The following RPGRIP1L variants were observed in gnomAD, a reference collection of about 807,000 sequenced individuals.
The protein encoded by RPGRIP1L is RPGRIP1 like, also known as protein fantom.
In RPGRIP1L, 131 loss-of-function variants were observed where a neutral mutation model predicts 160.4. The ratio of observed to expected loss-of-function variants is 0.82; its 90% CI spans 0.71 to 0.94. The LOEUF (loss-of-function observed/expected upper bound fraction) is 0.94. RPGRIP1L is among the 40% of genes least tolerant of loss of function. The pLI is 0.00. For synonymous variants in RPGRIP1L, 510 were observed against 515.8 expected, an observed-to-expected ratio of 0.99 and a Z score of 0.15; for missense variants, 1,522 against 1,535.8, an observed-to-expected ratio of 0.99 and a Z score of 0.15.
intron 14 of RPGRIP1L, 116 bp from the exon 15 acceptor site, chr16:53,653,103 T>C: frequency 1.1e-6 from 1 of 924,392 alleles, no homozygotes; most frequent in Admixed American, 2.3e-5. Context: ...TTTTAAATTC[T>C]ATGACTACAC....
Position 53,645,695 on chromosome 16 carries a change from G to A in RPGRIP1L, c.2613C>T (p.Thr871=), listed in dbSNP as rs748285506. ...CTTTTCCTATGTAAATATTCTCCTG[G>A]GTATCACTATCATCAAAAACATAAA... The part of the protein sequence containing the change: ...LSFYVFDDSD[T]QENIYIGKVN... The change falls in exon 17 of 27, where the codon ACC becomes ACT. Residue 871 remains threonine (T), a synonymous_variant. Transcript: ENST00000647211. 1 of 1,613,840 alleles carries A rather than the reference G, an allele frequency of 6.2e-7. No individual in the cohort carries two copies. Among genetic ancestry groups the A allele is most frequent in the Non-Finnish European group, 8.5e-7 (1 of 1,179,882 alleles).
chr16:53,687,267 A>G (rs1187649950), intron 5 of RPGRIP1L, among the ~76,000 whole-genome samples: 3 of 152,152 alleles, frequency 2.0e-5, no homozygotes, highest in Admixed American at 6.6e-5. Flanking sequence ...TTGATGATCC[A>G]GGTGAAGGCT....
At chr16:53,609,653 C>T (rs898847874) in intron 25 of RPGRIP1L, among the ~76,000 whole-genome samples, 11 of 152,058 alleles carry the variant, frequency 7.2e-5, no homozygotes, top group African/African-American at 1.9e-4. Context: ...ACAGCCATGG[C>T]GCAGCTTGCT....
intron 6 of RPGRIP1L, among the ~76,000 whole-genome samples, chr16:53,680,449 A>G (rs1188977180): frequency 6.6e-6 from 1 of 152,006 alleles, no homozygotes; most frequent in Non-Finnish European, 1.5e-5. Flanking sequence ...GGGCTATAAA[A>G]GAGTGGGGGA....
intron 7 of RPGRIP1L, 88 bp downstream of exon 7, chr16:53,674,929 T>C: frequency 1.2e-6 from 1 of 801,022 alleles, no homozygotes. Flanking sequence ...AGTGTTATGA[T>C]AATTCCATGT....
At chr16:53,622,022 CA>C (rs36057385) in intron 23 of RPGRIP1L, among the ~76,000 whole-genome samples, 196 bp downstream of exon 23, 55 of 24,130 alleles carry the variant, frequency 2.3e-3, no homozygotes, top group South Asian at 9.1e-3. Context: ...GACTCCGTCT[CA>C]AAAAAAAAAA....
intron 22 of RPGRIP1L, among the ~76,000 whole-genome samples, chr16:53,629,577 C>A (rs1965386577): frequency 6.6e-6 from 1 of 152,178 alleles, no homozygotes; most frequent in Non-Finnish European, 1.5e-5. Flanking sequence ...TTAAACAGTT[C>A]TTTTGCTATT....
Position 53,658,894 on chromosome 16 carries a change from C to T in RPGRIP1L, c.1244-16G>A, listed in dbSNP as rs1740953593. On this transcript the variant is annotated splice_polypyrimidine_tract_variant and intron_variant, in intron 10 of 26. Coordinates refer to ENST00000647211, the MANE Select transcript of RPGRIP1L (RefSeq NM_015272.5). ...TCATTTTGATCTTAAAAATAAAGTC[C>T]ACACAATTGGAAAGGTAAGTAAAAA... 1 of 1,476,198 alleles carries T rather than the reference C, an allele frequency of 6.8e-7. No individual in the cohort carries two copies. The highest frequency in any genetic ancestry group is 1.4e-5 in the African/African-American group (1 of 72,224). The allele number at this position is 1,476,198 out of a possible 1,614,324, so 91.4% of individuals were successfully genotyped here.
Position 53,664,883 on chromosome 16 carries a change from T to G in RPGRIP1L, c.1230A>C (p.Leu410Phe), listed in dbSNP as rs1203278799. The G allele has an allele frequency of 6.2e-7, 1 of 1,611,090 alleles. No homozygotes were observed. Among genetic ancestry groups the G allele is most frequent in the East Asian group, 2.2e-5 (1 of 44,896 alleles). ...LTDKTEILDR[L>F]KTERDQNEKL... ...TTTCAAATGTACCTCTTTCAGTTTT[T>G]AATCTGTCAAGGATTTCAGTTTTGT... The change falls in exon 10 of 27, where the codon TTA becomes TTC. Residue 410 changes from leucine (L) to phenylalanine (F), a missense_variant. Transcript: ENST00000647211.
At chr16:53,610,835 T>C (rs1407023638) in intron 25 of RPGRIP1L, 132 bp downstream of exon 25, 2 of 741,428 alleles carry the variant, frequency 2.7e-6, no homozygotes, top group Non-Finnish European at 4.9e-6. Flanking sequence ...CCGTACTCAT[T>C]CGAGGGTACA....
chr16:53,615,383 T>C (rs1964297724), intron 24 of RPGRIP1L, among the ~76,000 whole-genome samples: 1 of 151,500 alleles, frequency 6.6e-6, no homozygotes, highest in South Asian at 2.1e-4. Context: ...AATACAAATG[T>C]TTTGTTCCTG....
chr16:53,686,371 C>T (rs1251539382), intron 6 of RPGRIP1L, 62 bp downstream of exon 6: 7 of 1,503,134 alleles, frequency 4.7e-6, no homozygotes, highest in African/African-American at 4.1e-5. Flanking sequence ...TTTTATGGCA[C>T]ATGATAAAGT....
chr16:53,628,222 C>T (rs1965304473), intron 22 of RPGRIP1L: 1 of 151,648 alleles, frequency 6.6e-6, no homozygotes, highest in South Asian at 2.1e-4. Flanking sequence ...ACAACAGAGA[C>T]AAAATGGAAA....
chr16:53,651,726 C>T (rs1567839032), intron 15 of RPGRIP1L, among the ~76,000 whole-genome samples: 2 of 152,150 alleles, frequency 1.3e-5, no homozygotes, highest in African/African-American at 4.8e-5. Flanking sequence ...CTCTGATTAA[C>T]TGTTCTGTAT....
rs552834696 is a variant in RPGRIP1L, at chr16:53,639,150, C to T, written c.2959-739G>A. On this transcript the variant is annotated intron_variant, in intron 19 of 26. Coordinates refer to ENST00000647211, the MANE Select transcript of RPGRIP1L (RefSeq NM_015272.5). ...TAGCTATTATTCCTGGGTTAACAAA[C>T]GAATGTTTAGTTTTAAAATACAGCT... is the stretch of plus-strand genomic sequence containing the variant. 1.6e-4 allele frequency among the ~76,000 whole-genome samples: 24 copies of T among 151,696 alleles called. No individual in the cohort carries two copies. In the South Asian group the frequency reaches 4.8e-3, roughly 30 times the overall value.
At chr16:53,679,557 C>T (rs1186325087) in intron 6 of RPGRIP1L, among the ~76,000 whole-genome samples, 1 of 137,610 alleles carries the variant, frequency 7.3e-6, no homozygotes, top group Non-Finnish European at 1.6e-5. Context: ...TGTGCCACCA[C>T]ACCTGGCAGG....
chr16:53,624,531 G>A (rs1018910393), intron 22 of RPGRIP1L, among the ~76,000 whole-genome samples: 5 of 151,456 alleles, frequency 3.3e-5, no homozygotes, highest in African/African-American at 2.4e-5. Context: ...GTGACAGAGC[G>A]AGACTCCACC....
chr16:53,670,978 T>C (rs1319270201), intron 9 of RPGRIP1L, among the ~76,000 whole-genome samples: 1 of 152,074 alleles, frequency 6.6e-6, no homozygotes, highest in Non-Finnish European at 1.5e-5. Flanking sequence ...GTGCCTGTGG[T>C]CCCAGTTGCT....
chr16:53,607,962 T>C, intron 25 of RPGRIP1L: 1 of 985,086 alleles, frequency 1.0e-6, no homozygotes, highest in Non-Finnish European at 1.2e-6. Context: ...TTGTCCCATG[T>C]CTGGAAGAAC....
Sources: allele counts gnomAD v4.1 joint callset (sites outside exome capture counted in the v4.1 genomes callset), GRCh38; gene constraint gnomAD v4.1.1; transcripts MANE v1.5; gene names NCBI Gene and HGNC (gene_info 2026-07-23, HGNC 2026-07-21).